Variants in XKR9 observed in about 807,000 individuals in gnomAD.
XKR9 encodes the protein XK related 9, also known as XK-related protein 9.
Under a neutral mutation model 32.0 loss-of-function variants are expected in XKR9, and 32 were observed. The observed-to-expected ratio is 1.00, with a 90% CI of 0.76 to 1.34. XKR9 has a LOEUF of 1.34. Among genes scored for constraint, XKR9 ranks in the 40% most tolerant of loss-of-function variants. The probability of loss-of-function intolerance (pLI) is 0.00; values close to 1 mark genes in which losing one functional copy is unlikely to be tolerated. For missense variants in XKR9, 546 were observed against 429.7 expected (o/e 1.27, Z -2.39); for synonymous variants, 168 against 143.4 (o/e 1.17, Z -1.22).
At chr8:70,930,195 G>T in the XKR9 span, among the ~76,000 whole-genome samples, 1 of 152,108 alleles carries the variant, frequency 6.6e-6, no homozygotes, top group Non-Finnish European at 1.5e-5. Flanking sequence ...GGGTGGAGTA[G>T]GTGAATATAA....
chr8:70,971,919 G>A, the XKR9 span, among the ~76,000 whole-genome samples: 2 of 151,838 alleles, frequency 1.3e-5, no homozygotes, highest in Admixed American at 6.6e-5. Context: ...GTTCTTTTTG[G>A]TTAGTATTGC....
the XKR9 span, among the ~76,000 whole-genome samples, chr8:70,976,382 G>C: frequency 7.2e-5 from 11 of 152,080 alleles, no homozygotes; most frequent in Non-Finnish European, 1.3e-4. Context: ...TTATTTTGAG[G>C]TATATTCCAT....
At chr8:70,724,442 A>AC (rs913292077) in intron 4 of XKR9, among the ~76,000 whole-genome samples, 4 of 151,834 alleles carry the variant, frequency 2.6e-5, no homozygotes, top group East Asian at 3.9e-4. Context: ...AAAAAAAAAA[A>AC]AAAACTCCTG....
At chr8:70,981,147 A>G in the XKR9 span, among the ~76,000 whole-genome samples, 1 of 152,116 alleles carries the variant, frequency 6.6e-6, no homozygotes, top group Non-Finnish European at 1.5e-5. Flanking sequence ...TGAATTTCCC[A>G]GGTGTTCTTT....
the XKR9 span, among the ~76,000 whole-genome samples, chr8:70,877,448 TA>T: frequency 6.6e-6 from 1 of 152,142 alleles, no homozygotes; most frequent in Non-Finnish European, 1.5e-5. Context: ...AATTGAGGCC[TA>T]GATAATTTAA....
At chr8:70,840,722 G>C in the XKR9 span, among the ~76,000 whole-genome samples, 1 of 152,120 alleles carries the variant, frequency 6.6e-6, no homozygotes, top group African/African-American at 2.4e-5. Flanking sequence ...GGCCAGGAGA[G>C]GGGAATTAGT....
At chr8:70,842,823 C>A in the XKR9 span, among the ~76,000 whole-genome samples, 2 of 152,216 alleles carry the variant, frequency 1.3e-5, no homozygotes, top group African/African-American at 4.8e-5. Context: ...AAGAGGCCAA[C>A]ATTACTGAGC....
intron 3 of XKR9, among the ~76,000 whole-genome samples, chr8:70,703,523 C>G (rs1051608248): frequency 6.6e-6 from 1 of 152,082 alleles, no homozygotes; most frequent in East Asian, 1.9e-4. Context: ...TATAAGCACA[C>G]TAATGCCATT....
intron 4 of XKR9, among the ~76,000 whole-genome samples, chr8:70,723,190 A>C (rs751737966): frequency 6.6e-6 from 1 of 152,104 alleles, no homozygotes; most frequent in African/African-American, 2.4e-5. Context: ...TCTAGTTAGC[A>C]GTTCCTGTAA....
At chr8:70,690,727 G>T (rs1259215489) in intron 3 of XKR9, among the ~76,000 whole-genome samples, 11 of 152,148 alleles carry the variant, frequency 7.2e-5, no homozygotes, top group Admixed American at 5.2e-4. Context: ...ATAGCCTCCA[G>T]CTCCTTCTGT....
At chr8:71,043,514 A>G in the XKR9 span, among the ~76,000 whole-genome samples, 1 of 152,234 alleles carries the variant, frequency 6.6e-6, no homozygotes, top group African/African-American at 2.4e-5. Flanking sequence ...TGCATTAAGA[A>G]GAATGATGCC....
the XKR9 span, among the ~76,000 whole-genome samples, chr8:70,849,979 G>A: frequency 1.8e-4 from 19 of 108,234 alleles, 1 homozygote; most frequent in East Asian, 3.4e-3. Context: ...GTAATTAATA[G>A]CCTGCCAAAA....
chr8:70,872,635 G>A, the XKR9 span, among the ~76,000 whole-genome samples: 1 of 152,138 alleles, frequency 6.6e-6, no homozygotes, highest in Admixed American at 6.6e-5. Flanking sequence ...AGGACAGGCT[G>A]ACTGTCTTGT....
intron 2 of XKR9, among the ~76,000 whole-genome samples, chr8:70,676,743 C>T (rs1018645399): frequency 6.6e-6 from 1 of 152,120 alleles, no homozygotes; most frequent in Non-Finnish European, 1.5e-5. Flanking sequence ...AGGTATGGTA[C>T]CTGTGCTGAT....
chr8:71,062,021 A>G, the XKR9 span, among the ~76,000 whole-genome samples: 1 of 152,216 alleles, frequency 6.6e-6, no homozygotes, highest in Non-Finnish European at 1.5e-5. Context: ...CCTTTGGCCA[A>G]TGTAGTTGGT....
rs2130139180 is a variant in XKR9 at position 70,735,130 on chromosome 8, TACC to T, written c.*708_*710del. 1 of 152,190 alleles carries T rather than the reference TACC, an allele frequency of 6.6e-6. No individual in the cohort carries two copies. Among genetic ancestry groups the T allele is most frequent in the African/African-American group, 2.4e-5 (1 of 41,560 alleles). 9.4% of individuals were successfully genotyped at this position (152,190 alleles called of 1,614,324 possible). ...AATTATGGTAAAAACATATAAAATT[TACC>T]ATCTTAATCACTTTGAGTGTACAGT... On this transcript the variant is annotated 3_prime_UTR_variant, in exon 5 of 5. Transcript: ENST00000408926.
At chr8:70,764,982 C>G (rs143480101) in intron 2 of XKR9, among the ~76,000 whole-genome samples, 93 of 152,228 alleles carry the variant, frequency 6.1e-4, no homozygotes, top group African/African-American at 2.2e-3. Context: ...TTTCTTTATC[C>G]AGTCTATCAT....
the XKR9 span, among the ~76,000 whole-genome samples, chr8:70,915,189 T>C: frequency 6.6e-6 from 1 of 152,054 alleles, no homozygotes; most frequent in Admixed American, 6.6e-5. Context: ...AAATATCTTA[T>C]AACACTAATC....
At chr8:70,970,021 C>CA in the XKR9 span, among the ~76,000 whole-genome samples, 2 of 152,158 alleles carry the variant, frequency 1.3e-5, no homozygotes, top group Non-Finnish European at 2.9e-5. Context: ...TCCTGAGTAA[C>CA]TTCACTTAGA....
Sources: allele counts gnomAD v4.1 joint callset (sites outside exome capture counted in the v4.1 genomes callset), GRCh38; gene constraint gnomAD v4.1.1; transcripts MANE v1.5; gene names NCBI Gene and HGNC (gene_info 2026-07-23, HGNC 2026-07-21).